Variants in OXR1 observed in about 807,000 individuals in gnomAD.
The protein encoded by OXR1 is oxidation resistance 1, also known as oxidation resistance protein 1.
Under a neutral mutation model 104.6 loss-of-function variants are expected in OXR1, and 41 were observed. The observed-to-expected ratio is 0.39, with a 90% confidence interval of 0.31 to 0.51. The LOEUF (loss-of-function observed/expected upper bound fraction) is 0.51. Ranked by LOEUF, OXR1 falls within the 20% of genes least tolerant of loss-of-function variation. OXR1 has a pLI of 0.77. For missense variants in OXR1, 955 were observed against 1,031.9 expected (o/e 0.93, Z 1.02); for synonymous variants, 348 against 348.4 (o/e 1.00, Z 0.01).
chr8:106,569,728 C>T (rs1006148193), intron 3 of OXR1, among the ~76,000 whole-genome samples: 1 of 152,188 alleles, frequency 6.6e-6, no homozygotes, highest in Admixed American at 6.5e-5. Flanking sequence ...TGACATTTTA[C>T]CATTCTACGT....
chr8:106,726,376 T>G, intron 11 of OXR1: 1 of 847,256 alleles, frequency 1.2e-6, no homozygotes, highest in East Asian at 3.0e-5. Flanking sequence ...TTATGAAAAA[T>G]TATACAATTT....
At chr8:106,739,748 A>G (rs1265768830) in intron 13 of OXR1, among the ~76,000 whole-genome samples, 165 bp downstream of exon 13, 1 of 151,892 alleles carries the variant, frequency 6.6e-6, no homozygotes, top group African/African-American at 2.4e-5. Flanking sequence ...GTTAATTAAG[A>G]TGTTAGGAGA....
rs985523697 is a variant in OXR1 at position 106,513,401 on chromosome 8, G to A, written c.24-5542G>A. Among the ~76,000 whole-genome samples the A allele has an allele frequency of 5.6e-5, 8 of 143,642 alleles. No homozygotes were observed. In the South Asian group the frequency reaches 6.4e-4, roughly 12 times the overall value. The allele number at this position is 143,642 out of a possible 152,430, so 94.2% of individuals were successfully genotyped here. ...GTTTGCTGTCTCAGGTCAAACCTGCGTGGATTTATACACACACACACACAC... is the reference window on the plus strand; with the variant it reads ...GTTTGCTGTCTCAGGTCAAACCTGCATGGATTTATACACACACACACACAC... On this transcript the variant is annotated intron_variant, in intron 2 of 16. Coordinates refer to ENST00000517566, the MANE Select transcript of OXR1 (RefSeq NM_001198533.2).
chr8:106,313,133 A>G (rs773564831), intron 1 of OXR1, among the ~76,000 whole-genome samples: 45 of 152,068 alleles, frequency 3.0e-4, no homozygotes, highest in Non-Finnish European at 5.6e-4. Context: ...TAATACTCTA[A>G]GTAGTCACAA....
intron 1 of OXR1, among the ~76,000 whole-genome samples, chr8:106,298,706 A>C (rs1244971644): frequency 6.6e-6 from 1 of 152,060 alleles, no homozygotes; most frequent in East Asian, 1.9e-4. Context: ...ATAGTGTCAA[A>C]TAATACTTTT....
chr8:106,724,729 G>A (rs1833164566), intron 11 of OXR1, among the ~76,000 whole-genome samples: 2 of 152,130 alleles, frequency 1.3e-5, no homozygotes, highest in African/African-American at 4.8e-5. Context: ...AGAGATGAGA[G>A]CCAGCCTCCT....
intron 1 of OXR1, among the ~76,000 whole-genome samples, chr8:106,315,182 G>A (rs1157622854): frequency 6.6e-6 from 1 of 151,570 alleles, no homozygotes; most frequent in Non-Finnish European, 1.5e-5. Context: ...TTGTTTGTTT[G>A]TTTGTTTTTG....
rs78878934 is a variant in OXR1 at position 106,520,738 on chromosome 8, C to A, written c.220+1599C>A. Reference sequence around the variant, plus strand: ...CATAACTCTCTCCAATTACCACTATCCTTCTCTCCTCTGCAACATGTCTGT... The same window carrying A: ...CATAACTCTCTCCAATTACCACTATACTTCTCTCCTCTGCAACATGTCTGT... On this transcript the variant is annotated intron_variant, in intron 3 of 16. Coordinates refer to ENST00000517566, the MANE Select transcript of OXR1 (RefSeq NM_001198533.2). Among the ~76,000 whole-genome samples the A allele has an allele frequency of 5.7e-3, 870 of 152,300 alleles. 25 individuals carry two copies. In the East Asian group the frequency reaches 0.066, roughly 12 times the overall value.
At chr8:106,321,199 C>T (rs1456637525) in intron 1 of OXR1, among the ~76,000 whole-genome samples, 2 of 152,156 alleles carry the variant, frequency 1.3e-5, no homozygotes, top group African/African-American at 4.8e-5. Flanking sequence ...TTTAACAAAA[C>T]AGGGCCTTGT....
Position 106,578,988 on chromosome 8 carries a change from T to TTTC in OXR1, c.220+59851_220+59852insCTT, listed in dbSNP as rs1491566146. 8.6e-4 allele frequency among the ~76,000 whole-genome samples: 80 copies of TTTC among 92,512 alleles called. 1 individual carries two copies. The highest frequency in any genetic ancestry group is 2.9e-3 in the Admixed American group (24 of 8,280). The allele number at this position is 92,512 out of a possible 152,430, so 60.7% of individuals were successfully genotyped here. ...CCTAGGTAACCTCACTTTTTCTTTC[T>TTTC]TTTTTTTTTTTTTTGCCTAGTATGA... is the stretch of plus-strand genomic sequence containing the variant. On this transcript the variant is annotated intron_variant, in intron 3 of 16. Coordinates refer to ENST00000517566, the MANE Select transcript of OXR1 (RefSeq NM_001198533.2).
intron 3 of OXR1, among the ~76,000 whole-genome samples, chr8:106,555,951 C>CAA (rs1816247075): frequency 5.0e-5 from 1 of 20,054 alleles, no homozygotes. Flanking sequence ...TATATATACA[C>CAA]AATGGAATAT....
intron 3 of OXR1, among the ~76,000 whole-genome samples, chr8:106,615,858 C>T (rs1446392116): frequency 2.0e-5 from 3 of 152,026 alleles, no homozygotes; most frequent in African/African-American, 7.3e-5. Flanking sequence ...TGGTTGTGTG[C>T]ATAACATGAG....
At chr8:106,346,117 GTGAAT>G (rs796638520) in intron 1 of OXR1, among the ~76,000 whole-genome samples, 9 of 144,288 alleles carry the variant, frequency 6.2e-5, no homozygotes, top group African/African-American at 2.3e-4. Context: ...ACCGCCGCCA[GTGAAT>G]TGAAGAAAAC....
intron 11 of OXR1, among the ~76,000 whole-genome samples, chr8:106,718,276 A>G (rs1832458413): frequency 6.6e-6 from 1 of 152,222 alleles, no homozygotes; most frequent in Admixed American, 6.5e-5. Context: ...GATAGCAGGA[A>G]AAATTCCGTA....
intron 2 of OXR1, among the ~76,000 whole-genome samples, chr8:106,396,750 A>G (rs937002321): frequency 6.6e-6 from 1 of 152,110 alleles, no homozygotes; most frequent in Non-Finnish European, 1.5e-5. Context: ...TTTTGCACCA[A>G]TAATAGTAAT....
intron 3 of OXR1, among the ~76,000 whole-genome samples, chr8:106,519,670 C>G (rs1003420506): frequency 6.6e-6 from 1 of 152,144 alleles, no homozygotes; most frequent in Non-Finnish European, 1.5e-5. Flanking sequence ...CTATTTTGAC[C>G]TTGCACCTTG....
At chr8:106,534,113 T>G (rs528702425) in intron 3 of OXR1, among the ~76,000 whole-genome samples, 3 of 152,294 alleles carry the variant, frequency 2.0e-5, no homozygotes, top group African/African-American at 7.2e-5. Flanking sequence ...CGGGGGATCT[T>G]ACAAAAATAC....
chr8:106,277,521 C>G (rs984217770), intron 1 of OXR1, among the ~76,000 whole-genome samples: 1 of 152,146 alleles, frequency 6.6e-6, no homozygotes, highest in African/African-American at 2.4e-5. Context: ...AATCATAAAG[C>G]CTGATCTCAA....
intron 3 of OXR1, among the ~76,000 whole-genome samples, chr8:106,650,797 A>G (rs1399606678): frequency 1.3e-5 from 2 of 152,220 alleles, no homozygotes; most frequent in Admixed American, 1.3e-4. Flanking sequence ...AAATTGAAGC[A>G]TACGACATGT....
Sources: allele counts gnomAD v4.1 joint callset (sites outside exome capture counted in the v4.1 genomes callset), GRCh38; gene constraint gnomAD v4.1.1; transcripts MANE v1.5; gene names NCBI Gene and HGNC (gene_info 2026-07-23, HGNC 2026-07-21).